Variants in MB21D2 observed in about 807,000 individuals in gnomAD.
MB21D2 encodes nucleotidyltransferase MB21D2.
MB21D2 carries 9 observed loss-of-function variants against 33.3 expected under a neutral mutation model. The ratio of observed to expected loss-of-function variants is 0.27; its 90% confidence interval spans 0.16 to 0.47. The LOEUF (loss-of-function observed/expected upper bound fraction) is 0.47. Ranked by LOEUF, MB21D2 falls within the 20% of genes least tolerant of loss-of-function variation. The probability of loss-of-function intolerance (pLI) is 0.99; values close to 1 mark genes in which losing one functional copy is unlikely to be tolerated. For missense variants in MB21D2, 540 were observed against 624.6 expected (o/e 0.86, Z 1.44); for synonymous variants, 241 against 236.3 (o/e 1.02, Z -0.18).
chr3:192,801,691 C>T (rs1711566975), intron 1 of MB21D2, among the ~76,000 whole-genome samples: 1 of 152,154 alleles, frequency 6.6e-6, no homozygotes, highest in Non-Finnish European at 1.5e-5. Flanking sequence ...TCTGCAGGCA[C>T]CTTGATCTTG....
At chr3:192,823,496 C>G (rs1041605465) in intron 1 of MB21D2, among the ~76,000 whole-genome samples, 1 of 148,324 alleles carries the variant, frequency 6.7e-6, no homozygotes. Context: ...TCTACCAAAA[C>G]TACAAAAAAT....
chr3:192,879,056 G>A (rs956688899), intron 1 of MB21D2, among the ~76,000 whole-genome samples: 6 of 152,166 alleles, frequency 3.9e-5, no homozygotes, highest in African/African-American at 1.2e-4. Flanking sequence ...ACAGCAAGAG[G>A]TGCTCAAGAA....
chr3:192,834,992 T>A (rs1712402109), intron 1 of MB21D2, among the ~76,000 whole-genome samples: 1 of 150,736 alleles, frequency 6.6e-6, no homozygotes, highest in African/African-American at 2.4e-5. Context: ...GTATTTTTAG[T>A]AGAGACAGGG....
chr3:192,819,905 C>T (rs908727884), intron 1 of MB21D2, among the ~76,000 whole-genome samples: 2 of 152,214 alleles, frequency 1.3e-5, no homozygotes, highest in Non-Finnish European at 2.9e-5. Flanking sequence ...GCTCTGGGGA[C>T]AAGCTCTGCA....
intron 1 of MB21D2, among the ~76,000 whole-genome samples, chr3:192,814,230 T>C (rs1285803872): frequency 6.6e-6 from 1 of 152,104 alleles, no homozygotes; most frequent in Non-Finnish European, 1.5e-5. Context: ...TTCAGATTAG[T>C]ACAGCTACAC....
At chr3:192,841,945 G>C (rs1712582708) in intron 1 of MB21D2, among the ~76,000 whole-genome samples, 1 of 152,068 alleles carries the variant, frequency 6.6e-6, no homozygotes, top group African/African-American at 2.4e-5. Context: ...AGGGGTGAGA[G>C]GGTTTCAGAA....
chr3:192,828,931 A>G (rs1351723045), intron 1 of MB21D2, among the ~76,000 whole-genome samples: 4 of 151,480 alleles, frequency 2.6e-5, no homozygotes, highest in Admixed American at 2.0e-4. Context: ...TTACAGGCAT[A>G]AGCCAACGTG....
chr3:192,808,979 G>A (rs1050259844), intron 1 of MB21D2, among the ~76,000 whole-genome samples: 1 of 152,010 alleles, frequency 6.6e-6, no homozygotes, highest in Non-Finnish European at 1.5e-5. Flanking sequence ...TCATGACAAG[G>A]ACTCTCTGAG....
At chr3:192,898,228 T>G (rs1299526142) in intron 1 of MB21D2, among the ~76,000 whole-genome samples, 6 of 149,152 alleles carry the variant, frequency 4.0e-5, no homozygotes, top group African/African-American at 1.5e-4. Flanking sequence ...TCACGTATTT[T>G]TTTTTTTTTT....
At chr3:192,852,806 C>T (rs1389350659) in intron 1 of MB21D2, among the ~76,000 whole-genome samples, 2 of 152,172 alleles carry the variant, frequency 1.3e-5, no homozygotes, top group African/African-American at 4.8e-5. Flanking sequence ...CACTGACCCC[C>T]ACTTCCAGTC....
At chr3:192,834,804 T>C (rs867461727) in intron 1 of MB21D2, among the ~76,000 whole-genome samples, 3 of 144,622 alleles carry the variant, frequency 2.1e-5, no homozygotes, top group Admixed American at 6.9e-5. Context: ...TTTGAGAGGA[T>C]TGTTCTTTTT....
rs114356362 is a variant in MB21D2, at chr3:192,905,296, C to T, written c.211+12334G>A. Among the ~76,000 whole-genome samples, 965 of 152,192 alleles carry T rather than the reference C, an allele frequency of 6.3e-3. 8 individuals carry two copies. Among genetic ancestry groups the T allele is most frequent in the African/African-American group, 0.022 (929 of 41,514 alleles). On this transcript the variant is annotated intron_variant, in intron 1 of 1. Coordinates refer to ENST00000392452, the MANE Select transcript of MB21D2 (RefSeq NM_178496.4). ...CTGTTGTTTTGTTTTTAAATTATTG[C>T]CAGCTTGGGCAACATGGCGAGATCC...
intron 1 of MB21D2, among the ~76,000 whole-genome samples, chr3:192,913,598 A>G (rs796180421): frequency 8.5e-5 from 13 of 152,184 alleles, no homozygotes; most frequent in African/African-American, 3.1e-4. Flanking sequence ...CCAAGCCAGA[A>G]GGATCACTTG....
chr3:192,886,082 C>A (rs1285603620), intron 1 of MB21D2, among the ~76,000 whole-genome samples: 1 of 152,022 alleles, frequency 6.6e-6, no homozygotes, highest in Non-Finnish European at 1.5e-5. Context: ...GCCTCAGCCT[C>A]CCAAGTAGCT....
At chr3:192,819,981 G>A (rs916646666) in intron 1 of MB21D2, among the ~76,000 whole-genome samples, 1 of 152,150 alleles carries the variant, frequency 6.6e-6, no homozygotes, top group Non-Finnish European at 1.5e-5. Flanking sequence ...CAAGGGGGTA[G>A]GGGAATCAGC....
chr3:192,881,729 G>T (rs1395214427), intron 1 of MB21D2, among the ~76,000 whole-genome samples: 1 of 152,102 alleles, frequency 6.6e-6, no homozygotes, highest in Non-Finnish European at 1.5e-5. Flanking sequence ...AAACCTGGCG[G>T]CACTGGCCAA....
intron 1 of MB21D2, among the ~76,000 whole-genome samples, chr3:192,881,160 T>C (rs974942877): frequency 6.6e-6 from 1 of 152,162 alleles, no homozygotes; most frequent in Non-Finnish European, 1.5e-5. Flanking sequence ...TAGCAAGTTA[T>C]CTTTGTAAAC....
rs1560255280 is a variant in MB21D2 at position 192,900,307 on chromosome 3, A to AAAG, written c.211+17322_211+17323insCTT. Among the ~76,000 whole-genome samples, 6 of 143,106 alleles carry AAAG rather than the reference A, an allele frequency of 4.2e-5. 2 individuals carry two copies. The highest frequency in any genetic ancestry group is 1.0e-4 in the African/African-American group (4 of 38,190). 93.9% of individuals were successfully genotyped at this position (143,106 alleles called of 152,430 possible). ...CTCAAAAAAAAAAAAAAAAAAAAAA[A>AAAG]ATCACAGAAAGTGTTGAGGGGAGAA... On this transcript the variant is annotated intron_variant, in intron 1 of 1. Transcript: ENST00000392452.
intron 1 of MB21D2, among the ~76,000 whole-genome samples, chr3:192,825,016 G>A (rs1450281089): frequency 8.6e-5 from 13 of 152,034 alleles, no homozygotes; most frequent in East Asian, 3.9e-4. Flanking sequence ...CTAGCTTAGC[G>A]GTCCTCCTAC....
Sources: allele counts gnomAD v4.1 joint callset (sites outside exome capture counted in the v4.1 genomes callset), GRCh38; gene constraint gnomAD v4.1.1; transcripts MANE v1.5; gene names NCBI Gene and HGNC (gene_info 2026-07-23, HGNC 2026-07-21).